The following CC2D2B variants were observed in gnomAD, a reference collection of about 807,000 sequenced individuals.
CC2D2B encodes the protein coiled-coil and C2 domain containing 2B, also known as protein CC2D2B.
CC2D2B carries 128 observed loss-of-function variants against 161.2 expected under a neutral mutation model. The observed-to-expected ratio is 0.79, with a 90% CI of 0.69 to 0.92. The LOEUF (loss-of-function observed/expected upper bound fraction) is 0.92, where lower values mean the gene tolerates loss of function less well. Among genes scored for constraint, CC2D2B ranks in the 40% least tolerant of loss-of-function variants. The pLI is 0.00. For missense variants in CC2D2B, 1,173 were observed against 1,375.1 expected (o/e 0.85, Z 2.32); for synonymous variants, 391 against 449.8 (o/e 0.87, Z 1.65).
chr10:96,012,574 A>G lies in CC2D2B; in HGVS notation c.3271A>G (p.Lys1091Glu), dbSNP rs775795447. 9.9e-6 allele frequency: 16 copies of G among 1,613,004 alleles called. No individual in the cohort carries two copies. The change falls in exon 28 of 35, where the codon AAA becomes GAA. Residue 1091 changes from lysine (K) to glutamate (E), a missense_variant. Coordinates refer to ENST00000646931, the MANE Select transcript of CC2D2B (RefSeq NM_001349008.3). ...TEVLQRAQIFKKNCKAMFPNR... is the reference protein window; with the variant it reads ...TEVLQRAQIFEKNCKAMFPNR... ...GGTCTTGCAGAGAGCACAGATTTTTAAAAAGAATTGTAAGGCAATGTTTCC... is the reference window on the plus strand; with the variant it reads ...GGTCTTGCAGAGAGCACAGATTTTTGAAAAGAATTGTAAGGCAATGTTTCC...
Position 96,025,192 on chromosome 10 carries a change from AATATAT to A in CC2D2B, c.3947+305_3947+310del, listed in dbSNP as rs10524712. ...ATATATATATATATATATAAAAAAA[AATATAT>A]ATATATATATATATATATATATAGC... On this transcript the variant is annotated intron_variant, in intron 33 of 34. Transcript: ENST00000646931. Among the ~76,000 whole-genome samples the A allele has an allele frequency of 1.7e-3, 82 of 49,156 alleles. 1 individual carries two copies. Among genetic ancestry groups the A allele is most frequent in the South Asian group, 3.8e-3 (5 of 1,302 alleles). The allele number at this position is 49,156 out of a possible 152,430, so 32.2% of individuals were successfully genotyped here.
chr10:96,032,313 C>G lies in CC2D2B; in HGVS notation c.*305C>G. ...AAAGAAGCAATTTTGGCCTCTTCTC[C>G]TAAGACCAATGTTTCTCAAATTGTA... is the stretch of plus-strand genomic sequence containing the variant. On this transcript the variant is annotated 3_prime_UTR_variant, in exon 35 of 35. Transcript: ENST00000646931. The G allele has an allele frequency of 3.7e-6, 1 of 272,362 alleles. No individual in the cohort carries two copies. Among genetic ancestry groups the G allele is most frequent in the East Asian group, 6.7e-5 (1 of 14,950 alleles). The allele number at this position is 272,362 out of a possible 1,614,324, so 16.9% of individuals were successfully genotyped here.
At chr10:95,943,787 G>T (rs1003436237) in intron 9 of CC2D2B, among the ~76,000 whole-genome samples, 3 of 151,944 alleles carry the variant, frequency 2.0e-5, no homozygotes, top group African/African-American at 7.2e-5. Flanking sequence ...TATTATGACA[G>T]GTGATTTTAA....
intron 19 of CC2D2B, among the ~76,000 whole-genome samples, chr10:95,984,357 A>G (rs1198693105): frequency 6.6e-6 from 1 of 152,176 alleles, no homozygotes; most frequent in Non-Finnish European, 1.5e-5. Context: ...AATATTAGAT[A>G]ATATTGGAGA....
At chr10:95,951,038 C>A (rs2076383587) in intron 10 of CC2D2B, among the ~76,000 whole-genome samples, 1 of 152,032 alleles carries the variant, frequency 6.6e-6, no homozygotes. Context: ...GGGCTGTTCT[C>A]GAACTTCTGA....
chr10:96,026,204 C>G (rs923454983), intron 33 of CC2D2B, among the ~76,000 whole-genome samples: 1 of 152,190 alleles, frequency 6.6e-6, no homozygotes, highest in Non-Finnish European at 1.5e-5. Flanking sequence ...ATAACATACA[C>G]TGCAGTTAGA....
chr10:96,021,888 T>C (rs1275569980), intron 32 of CC2D2B, among the ~76,000 whole-genome samples: 5 of 152,178 alleles, frequency 3.3e-5, no homozygotes, highest in African/African-American at 9.7e-5. Flanking sequence ...TGTAGCTAGG[T>C]GGTAGGTATG....
Position 95,961,902 on chromosome 10 carries a change from A to G in CC2D2B, c.1183A>G (p.Lys395Glu). ...SLLHSILRTW[K>E]QIKSLRHGQG... is the part of the protein sequence containing the mutation. ...ACTACACAGTATATTACGAACTTGG[A>G]AACAGATTAAATCTCTTCGACATGG... Residue 395 changes from lysine (K) to glutamate (E), a missense_variant, in exon 12 of 35, where the codon AAA (lysine) becomes GAA (glutamate). Around this residue, in one of 3 missense-constraint regions of CC2D2B, gnomAD observed 298 missense variants for 261.2 expected, o/e 1.14. Transcript: ENST00000646931. The G allele has an allele frequency of 8.1e-7, 1 of 1,231,544 alleles. No individual in the cohort carries two copies. Among genetic ancestry groups the G allele is most frequent in the Non-Finnish European group, 1.0e-6 (1 of 987,518 alleles). 76.3% of individuals were successfully genotyped at this position (1,231,544 alleles called of 1,614,324 possible).
chr10:95,990,544 G>C (rs1285542206), intron 20 of CC2D2B, among the ~76,000 whole-genome samples: 3 of 152,078 alleles, frequency 2.0e-5, no homozygotes, highest in African/African-American at 7.2e-5. Flanking sequence ...CCGGGGTCTT[G>C]TTCACCTTCA....
At chr10:95,984,354 G>T (rs1431939727) in intron 19 of CC2D2B, among the ~76,000 whole-genome samples, 7 of 152,140 alleles carry the variant, frequency 4.6e-5, no homozygotes, top group Non-Finnish European at 8.8e-5. Context: ...TCAAATATTA[G>T]ATAATATTGG....
chr10:95,957,289 T>C (rs1408102320), intron 11 of CC2D2B, among the ~76,000 whole-genome samples: 9 of 152,188 alleles, frequency 5.9e-5, no homozygotes, highest in Non-Finnish European at 1.3e-4. Context: ...TTTTCCCCAT[T>C]GTTGCAAGCC....
chr10:96,016,817 TTCTAGTGATTTTTCTGCC>T (rs2079220572), intron 30 of CC2D2B, among the ~76,000 whole-genome samples: 1 of 152,128 alleles, frequency 6.6e-6, no homozygotes, highest in Non-Finnish European at 1.5e-5. Flanking sequence ...GCCTCCCGCG[TTCTAGTGATTTTTCTGCC>T]TCAACCTCCC....
At chr10:95,933,871 TGAG>T (rs1163497772) in intron 6 of CC2D2B, among the ~76,000 whole-genome samples, 1 of 152,108 alleles carries the variant, frequency 6.6e-6, no homozygotes, top group Non-Finnish European at 1.5e-5. Flanking sequence ...GGGAACCACT[TGAG>T]GAGGGAGTCT....
chr10:95,921,475 T>C (rs991003333), intron 2 of CC2D2B: 3 of 152,252 alleles, frequency 2.0e-5, no homozygotes. Context: ...CCAGGCACTA[T>C]GATTGCTCAC....
intron 34 of CC2D2B, among the ~76,000 whole-genome samples, chr10:96,029,136 AAC>A (rs2079912195): frequency 6.6e-6 from 1 of 150,870 alleles, no homozygotes; most frequent in South Asian, 2.1e-4. Flanking sequence ...AATTGTTTAT[AAC>A]ACAAAGGATA....
chr10:95,911,436 A>G (rs1170630790), intron 2 of CC2D2B, 77 bp downstream of exon 2: 1 of 211,402 alleles, frequency 4.7e-6, no homozygotes, highest in African/African-American at 2.3e-5. Flanking sequence ...ATCCTGATAA[A>G]TGTGATACAT....
chr10:96,002,045 T>C (rs548576097), intron 24 of CC2D2B, among the ~76,000 whole-genome samples: 1 of 152,316 alleles, frequency 6.6e-6, no homozygotes, highest in South Asian at 2.1e-4. Context: ...TTTGCAAATA[T>C]TTGGAATATT....
intron 2 of CC2D2B, among the ~76,000 whole-genome samples, chr10:95,915,600 T>G (rs2098514710): frequency 1.3e-5 from 2 of 152,092 alleles, no homozygotes; most frequent in African/African-American, 2.4e-5. Flanking sequence ...TTTTTGAAGG[T>G]TTTTTCATGA....
chr10:95,931,422 A>G (rs2098549887), intron 6 of CC2D2B, among the ~76,000 whole-genome samples: 1 of 152,064 alleles, frequency 6.6e-6, no homozygotes, highest in Non-Finnish European at 1.5e-5. Context: ...GTCTTCTGCT[A>G]GCTTTTGAAT....
Sources: allele counts gnomAD v4.1 joint callset (sites outside exome capture counted in the v4.1 genomes callset), GRCh38; gene constraint gnomAD v4.1.1; regional missense constraint gnomAD v4.1.1; transcripts MANE v1.5; gene names NCBI Gene and HGNC (gene_info 2026-07-23, HGNC 2026-07-21).